Variants in TNR observed in about 807,000 individuals in gnomAD.
TNR encodes the protein tenascin R.
TNR carries 45 observed loss-of-function variants against 150.4 expected under a neutral mutation model. The observed-to-expected ratio is 0.30, with a 90% CI of 0.24 to 0.38. The LOEUF is 0.38. TNR is among the 10% of genes least tolerant of loss of function. TNR has a pLI of 1.00. For synonymous variants in TNR, 687 were observed against 678.4 expected, an observed-to-expected ratio of 1.01 and a Z score of -0.20; for missense variants, 1,544 against 1,759.1, an observed-to-expected ratio of 0.88 and a Z score of 2.19.
At chr1:175,624,711 C>T (rs1288903294) in intron 1 of TNR, among the ~76,000 whole-genome samples, 1 of 152,170 alleles carries the variant, frequency 6.6e-6, no homozygotes, top group African/African-American at 2.4e-5. Flanking sequence ...TTAAGCTGCT[C>T]AGTTTATGGC....
chr1:175,479,781 A>G (rs930506890), intron 2 of TNR, among the ~76,000 whole-genome samples: 3 of 152,080 alleles, frequency 2.0e-5, no homozygotes, highest in East Asian at 1.9e-4. Context: ...CTTTGTGGCT[A>G]GTAGGTTCCT....
Position 175,406,642 on chromosome 1 carries a change from T to C in TNR, c.73A>G (p.Met25Val). The part of the protein sequence containing the change: ...IGINLILLGS[M>V]IKPSECQLEV... ...AGCTGACACTCTGAAGGCTTGATCA[T>C]GGAGCCCAGAAGGATCAGGTTGATG... The change falls in exon 3 of 23, where the codon ATG (methionine) becomes GTG (valine). Residue 25 changes from methionine (M) to valine (V), a missense_variant. Transcript: ENST00000367674. The C allele has an allele frequency of 1.2e-6, 2 of 1,614,228 alleles. No homozygotes were observed. Among genetic ancestry groups the C allele is most frequent in the Non-Finnish European group, 1.7e-6 (2 of 1,180,050 alleles).
At chr1:175,362,390 T>C (rs1651639260) in intron 14 of TNR, among the ~76,000 whole-genome samples, 1 of 152,192 alleles carries the variant, frequency 6.6e-6, no homozygotes, top group Non-Finnish European at 1.5e-5. Flanking sequence ...TTCACTTCCA[T>C]TATATGTCTG....
chr1:175,687,976 C>T (rs759956430), intron 1 of TNR, among the ~76,000 whole-genome samples: 13 of 152,170 alleles, frequency 8.5e-5, no homozygotes, highest in Non-Finnish European at 1.8e-4. Context: ...GTAAACAATA[C>T]ATACTAATTG....
intron 21 of TNR, among the ~76,000 whole-genome samples, chr1:175,326,600 C>T (rs1266637944): frequency 6.6e-6 from 1 of 152,230 alleles, no homozygotes. Flanking sequence ...CTGCAACTCA[C>T]TCTTTCCCAT....
chr1:175,577,750 A>C (rs755347594), intron 1 of TNR, among the ~76,000 whole-genome samples: 5 of 152,250 alleles, frequency 3.3e-5, no homozygotes, highest in Non-Finnish European at 5.9e-5. Flanking sequence ...CCTTTCCTGC[A>C]CTGTATTTGA....
At chr1:175,538,494 C>T (rs1419363445) in intron 1 of TNR, among the ~76,000 whole-genome samples, 1 of 152,176 alleles carries the variant, frequency 6.6e-6, no homozygotes, top group African/African-American at 2.4e-5. Flanking sequence ...TAGGCAGCAA[C>T]TGGGTCTTCA....
intron 6 of TNR, 52 bp downstream of exon 6, chr1:175,393,728 G>C: frequency 6.9e-7 from 1 of 1,439,834 alleles, no homozygotes; most frequent in East Asian, 2.3e-5. Flanking sequence ...CCAAGCTAAA[G>C]GTACAAATAT....
chr1:175,554,157 G>T (rs1661058162), intron 1 of TNR, among the ~76,000 whole-genome samples: 1 of 152,118 alleles, frequency 6.6e-6, no homozygotes, highest in Non-Finnish European at 1.5e-5. Context: ...AGTATGGAGT[G>T]GAGTCAGAGC....
intron 1 of TNR, among the ~76,000 whole-genome samples, chr1:175,679,408 C>T (rs1276661488): frequency 6.6e-6 from 1 of 152,166 alleles, no homozygotes; most frequent in Non-Finnish European, 1.5e-5. Flanking sequence ...GTGCTTGATG[C>T]TAAAGTAGCA....
In TNR at chr1:175,740,568, C is replaced by G. The variant is rs139127206; in HGVS notation, c.-165+2658G>C. Among the ~76,000 whole-genome samples, 4 of 152,240 alleles carry G rather than the reference C, an allele frequency of 2.6e-5. No homozygotes were observed. The East Asian group carries it at 7.7e-4, about 29-fold the overall frequency. On this transcript the variant is annotated intron_variant, in intron 1 of 22. Transcript: ENST00000367674. ...TGCTCATCTCCCCAGTCCTGGGTGG[C>G]AGCCCAGCAGTCTCCCCTACACAGT... is the stretch of plus-strand genomic sequence containing the variant.
chr1:175,652,959 G>A (rs1015599340), intron 1 of TNR, among the ~76,000 whole-genome samples: 1 of 152,106 alleles, frequency 6.6e-6, no homozygotes, highest in South Asian at 2.1e-4. Flanking sequence ...ATTAATTTGG[G>A]AAAAAGTGCC....
intron 2 of TNR, among the ~76,000 whole-genome samples, chr1:175,470,332 G>C (rs906722363): frequency 6.6e-6 from 1 of 152,060 alleles, no homozygotes; most frequent in African/African-American, 2.4e-5. Context: ...GCATGCAAAG[G>C]GCCGCAGGGG....
intron 1 of TNR, among the ~76,000 whole-genome samples, chr1:175,702,556 T>C (rs922796660): frequency 5.9e-5 from 9 of 152,202 alleles, no homozygotes; most frequent in Non-Finnish European, 8.8e-5. Context: ...GGTTATCCCA[T>C]GCTGAAATGG....
intron 1 of TNR, among the ~76,000 whole-genome samples, chr1:175,653,079 A>G (rs188483737): frequency 2.3e-3 from 355 of 152,356 alleles, no homozygotes; most frequent in Non-Finnish European, 4.2e-3. Flanking sequence ...TGGGAAGCGT[A>G]AAGGGCACAG....
chr1:175,523,169 T>A (rs1250025917), intron 2 of TNR, among the ~76,000 whole-genome samples: 1 of 152,156 alleles, frequency 6.6e-6, no homozygotes, highest in African/African-American at 2.4e-5. Flanking sequence ...ACTGGGGAGG[T>A]GAGAATCCAG....
intron 2 of TNR, among the ~76,000 whole-genome samples, chr1:175,498,881 A>G (rs1658600003): frequency 6.6e-6 from 1 of 152,228 alleles, no homozygotes; most frequent in Admixed American, 6.5e-5. Context: ...GCGCTATGTT[A>G]ACGTGGTTGT....
intron 2 of TNR, among the ~76,000 whole-genome samples, chr1:175,506,609 C>T (rs1167986347): frequency 6.6e-6 from 1 of 152,216 alleles, no homozygotes; most frequent in Non-Finnish European, 1.5e-5. Context: ...GAGAAGACCC[C>T]CTTTGCAAGC....
chr1:175,557,835 C>A (rs557241387), intron 1 of TNR, among the ~76,000 whole-genome samples: 1 of 121,326 alleles, frequency 8.2e-6, no homozygotes, highest in African/African-American at 3.1e-5. Flanking sequence ...ATGTTTATTG[C>A]GGCATTATTC....
Sources: gnomAD v4.1 joint callset for allele counts (sites outside exome capture counted in the v4.1 genomes callset) on GRCh38, gnomAD v4.1.1 for gene constraint, MANE v1.5 for transcripts, NCBI Gene and HGNC (gene_info 2026-07-23, HGNC 2026-07-21) for gene names.